CRKL: variants seen among roughly 807,000 people sequenced by gnomAD.
CRKL encodes the protein CRK like proto-oncogene, adaptor protein.
In CRKL, 3 loss-of-function variants were observed where a neutral mutation model predicts 23.0. That is an observed-to-expected ratio of 0.13 (90% confidence interval 0.06 to 0.34). The LOEUF is 0.34. CRKL is among the 10% of genes least tolerant of loss of function. The pLI is 1.00. For missense variants in CRKL, 256 were observed against 394.5 expected (o/e 0.65, Z 2.97); for synonymous variants, 188 against 160.7 (o/e 1.17, Z -1.28).
At chr22:20,939,389 T>G (rs1420746014) in intron 2 of CRKL, among the ~76,000 whole-genome samples, 1 of 143,932 alleles carries the variant, frequency 6.9e-6, no homozygotes, top group Non-Finnish European at 1.5e-5. Context: ...TACAGGCACC[T>G]GCCACCACGC....
intron 1 of CRKL, among the ~76,000 whole-genome samples, chr22:20,933,027 C>T (rs1921512206): frequency 6.6e-6 from 1 of 151,610 alleles, no homozygotes; most frequent in African/African-American, 2.4e-5. Flanking sequence ...TTACAGTGAA[C>T]TGAAATTGCG....
At chr22:20,947,155 A>G (rs1331754197) in intron 2 of CRKL, among the ~76,000 whole-genome samples, 1 of 60,350 alleles carries the variant, frequency 1.7e-5, no homozygotes, top group Non-Finnish European at 4.1e-5. Flanking sequence ...TCTAAGCAGT[A>G]GCTCCTTGAA....
Position 20,951,967 on chromosome 22 carries a change from T to G in CRKL, c.*2122T>G, listed in dbSNP as rs1376709833. 4 of 222,460 alleles carry G rather than the reference T, an allele frequency of 1.8e-5. No homozygotes were observed. The highest frequency in any genetic ancestry group is 2.7e-5 in the Non-Finnish European group (3 of 111,460). The allele number at this position is 222,460 out of a possible 1,614,324, so 13.8% of individuals were successfully genotyped here. On this transcript the variant is annotated 3_prime_UTR_variant, in exon 3 of 3. Transcript: ENST00000354336. ...TTCTGGTTAGGTGTGTCAGGTTGGC[T>G]TATTTTGGGTTCAGGCCTGGCGTAG...
rs1203750370 is a variant in CRKL, at chr22:20,951,129, CGTT to C, written c.*1288_*1290del. ...AGACTTAAACTTCCTTAAAAAGTGG[CGTT>C]GTTCATAGAATCGTTGGACTCATTA... On this transcript the variant is annotated 3_prime_UTR_variant, in exon 3 of 3. Coordinates refer to ENST00000354336, the MANE Select transcript of CRKL (RefSeq NM_005207.4). 4 of 231,970 alleles carry C rather than the reference CGTT, an allele frequency of 1.7e-5. No homozygotes were observed. The highest frequency in any genetic ancestry group is 6.6e-5 in the African/African-American group (3 of 45,282). The allele number at this position is 231,970 out of a possible 1,614,324, so 14.4% of individuals were successfully genotyped here.
intron 2 of CRKL, among the ~76,000 whole-genome samples, chr22:20,935,362 C>A (rs1794748545): frequency 6.6e-6 from 1 of 152,078 alleles, no homozygotes; most frequent in Non-Finnish European, 1.5e-5. Context: ...ATCTGCCTGC[C>A]TTGGCCTCCC....
chr22:20,934,078 C>T lies in CRKL; in HGVS notation c.611C>T (p.Ala204Val), dbSNP rs1601679635. Reference protein sequence around the residue: ...NSNSYGIPEPAHAYAQPQTTT... With the variant: ...NSNSYGIPEPVHAYAQPQTTT... ...AACAGTTATGGGATCCCAGAACCTGCTCATGCATACGCTCAACCTCAGACC... is the reference window on the plus strand; with the variant it reads ...AACAGTTATGGGATCCCAGAACCTGTTCATGCATACGCTCAACCTCAGACC... Residue 204 changes from alanine (A) to valine (V), a missense_variant, in exon 2 of 3, where the codon GCT (alanine) becomes GTT (valine). Coordinates refer to ENST00000354336, the MANE Select transcript of CRKL (RefSeq NM_005207.4). 1 of 1,614,188 alleles carries T rather than the reference C, an allele frequency of 6.2e-7. No individual in the cohort carries two copies. The highest frequency in any genetic ancestry group is 1.1e-5 in the South Asian group (1 of 91,082).
intron 2 of CRKL, among the ~76,000 whole-genome samples, chr22:20,947,588 C>T (rs1316598656): frequency 6.6e-6 from 1 of 151,934 alleles, no homozygotes; most frequent in Admixed American, 6.6e-5. Context: ...GATCCATCTG[C>T]CTTGGCCTCC....
At chr22:20,936,509 C>T (rs558088275) in intron 2 of CRKL, among the ~76,000 whole-genome samples, 5 of 152,004 alleles carry the variant, frequency 3.3e-5, no homozygotes, top group East Asian at 1.9e-4. Flanking sequence ...CCACCATGCC[C>T]GGCTAATTTT....
At chr22:20,923,152 C>T (rs1221968075) in intron 1 of CRKL, among the ~76,000 whole-genome samples, 1 of 152,030 alleles carries the variant, frequency 6.6e-6, no homozygotes, top group Non-Finnish European at 1.5e-5. Flanking sequence ...AGGAAGTTGG[C>T]CCTTCAAGAA....
chr22:20,950,171 C>A lies in CRKL; in HGVS notation c.*326C>A. 3.1e-6 allele frequency: 1 copy of A among 320,716 alleles called. No individual in the cohort carries two copies. The highest frequency in any genetic ancestry group is 5.7e-6 in the Non-Finnish European group (1 of 176,296). The allele number at this position is 320,716 out of a possible 1,614,324, so 19.9% of individuals were successfully genotyped here. A position where few individuals can be genotyped will look rare whatever the true frequency, so the allele number is the denominator to read the frequency against. ...TGCCCGTTTGTACATGGGACTGATT[C>A]TGTTGTGTTCACCAGAGAAAGCTTG... On this transcript the variant is annotated 3_prime_UTR_variant, in exon 3 of 3. Transcript: ENST00000354336.
intron 1 of CRKL, among the ~76,000 whole-genome samples, chr22:20,927,135 A>AAAAAAAAAAAAAAT (rs1921241736): frequency 7.1e-6 from 1 of 141,058 alleles, no homozygotes; most frequent in Non-Finnish European, 1.5e-5. Flanking sequence ...AAAAAAAAAA[A>AAAAAAAAAAAAAAT]AGAATGGTGG....
intron 1 of CRKL, among the ~76,000 whole-genome samples, chr22:20,920,108 T>A (rs1253736891): frequency 1.3e-5 from 2 of 152,180 alleles, no homozygotes; most frequent in Non-Finnish European, 2.9e-5. Flanking sequence ...ATTCTTCCTC[T>A]CGTTTGTGAG....
At chr22:20,945,031 T>TC (rs1256157054) in intron 2 of CRKL, among the ~76,000 whole-genome samples, 10 of 151,210 alleles carry the variant, frequency 6.6e-5, no homozygotes, top group African/African-American at 2.2e-4. Flanking sequence ...TTTCGCTCTA[T>TC]CACCCGGGCT....
At chr22:20,941,588 A>T (rs9613369) in intron 2 of CRKL, among the ~76,000 whole-genome samples, 4,481 of 33,350 alleles carry the variant, frequency 0.13, 820 homozygotes, top group African/African-American at 0.27. Context: ...GTATATATAT[A>T]TTTTTTTTTT....
intron 1 of CRKL, among the ~76,000 whole-genome samples, chr22:20,921,498 T>C (rs1487765676): frequency 1.8e-5 from 1 of 56,698 alleles, no homozygotes; most frequent in Non-Finnish European, 4.1e-5. Flanking sequence ...AAAAATAAAG[T>C]ACTAGTAAGA....
chr22:20,945,957 A>G (rs1226847246), intron 2 of CRKL, among the ~76,000 whole-genome samples: 1 of 152,254 alleles, frequency 6.6e-6, no homozygotes. Flanking sequence ...TTTGGGGGCT[A>G]TAAGCCCCTT....
chr22:20,942,666 G>A (rs188911365), intron 2 of CRKL, among the ~76,000 whole-genome samples: 55 of 152,068 alleles, frequency 3.6e-4, no homozygotes, highest in African/African-American at 1.2e-3. Context: ...TGTTGCCCAG[G>A]CTGGAGTGCA....
rs1922346404 is a variant in CRKL, at chr22:20,953,320, C to T, written c.*3475C>T. On this transcript the variant is annotated 3_prime_UTR_variant, in exon 3 of 3. Coordinates refer to ENST00000354336, the MANE Select transcript of CRKL (RefSeq NM_005207.4). ...TGTCGGTGTGGACGCTGTGCTGGTT[C>T]TGTTTTCTAAAGGAGCAGAAGGACA... 4.3e-6 allele frequency: 1 copy of T among 230,756 alleles called. No homozygotes were observed. Among genetic ancestry groups the T allele is most frequent in the Non-Finnish European group, 8.6e-6 (1 of 116,464 alleles). 14.3% of individuals were successfully genotyped at this position (230,756 alleles called of 1,614,324 possible). A position where few individuals can be genotyped will look rare whatever the true frequency, so the allele number is the denominator to read the frequency against.
intron 1 of CRKL, among the ~76,000 whole-genome samples, chr22:20,933,494 C>T (rs2147904168): frequency 1.3e-5 from 2 of 151,916 alleles, no homozygotes; most frequent in Middle Eastern, 3.4e-3. Flanking sequence ...TGGTGAAACC[C>T]CTTCTCTACT....
Sources: allele counts gnomAD v4.1 joint callset (sites outside exome capture counted in the v4.1 genomes callset), GRCh38; gene constraint gnomAD v4.1.1; transcripts MANE v1.5; gene names NCBI Gene and HGNC (gene_info 2026-07-23, HGNC 2026-07-21).